Variants in BTBD1 observed in about 807,000 individuals in gnomAD.
The protein encoded by BTBD1 is BTB domain containing 1.
In BTBD1, 34 loss-of-function variants were observed where a neutral mutation model predicts 48.0. The ratio of observed to expected loss-of-function variants is 0.71; its 90% CI spans 0.54 to 0.94. The LOEUF is 0.94. Among genes scored for constraint, BTBD1 ranks in the 40% least tolerant of loss-of-function variants. The probability of loss-of-function intolerance (pLI) is 0.00; values close to 1 mark genes in which losing one functional copy is unlikely to be tolerated. For missense variants in BTBD1, 543 were observed against 625.6 expected (o/e 0.87, Z 1.41); for synonymous variants, 261 against 242.1 (o/e 1.08, Z -0.72).
chr15:83,024,773 G>T (rs1168670359), intron 5 of BTBD1, among the ~76,000 whole-genome samples: 1 of 151,962 alleles, frequency 6.6e-6, no homozygotes, highest in Admixed American at 6.6e-5. Context: ...CTGAATTTTT[G>T]AATTTTTTTG....
intron 5 of BTBD1, among the ~76,000 whole-genome samples, chr15:83,025,040 C>T (rs2032375364): frequency 6.6e-6 from 1 of 152,132 alleles, no homozygotes; most frequent in Non-Finnish European, 1.5e-5. Flanking sequence ...GAAACATATA[C>T]TCTTCCAAAT....
intron 2 of BTBD1, among the ~76,000 whole-genome samples, chr15:83,054,309 G>C (rs12438575): frequency 0.2 from 29,676 of 152,006 alleles, 3,092 homozygotes; most frequent in Non-Finnish European, 0.22. Flanking sequence ...TGCACTCCAG[G>C]CTGGGCAACA....
At chr15:83,036,923 G>C (rs543888337) in intron 4 of BTBD1, among the ~76,000 whole-genome samples, 1 of 152,246 alleles carries the variant, frequency 6.6e-6, no homozygotes, top group Admixed American at 6.5e-5. Flanking sequence ...GTGACTTAGA[G>C]GGTCATGACA....
intron 1 of BTBD1, among the ~76,000 whole-genome samples, chr15:83,059,020 A>C (rs1218752164): frequency 6.6e-6 from 1 of 152,228 alleles, no homozygotes; most frequent in African/African-American, 2.4e-5. Flanking sequence ...TCAGTAATAT[A>C]CTTTTGCTTT....
intron 4 of BTBD1, among the ~76,000 whole-genome samples, chr15:83,034,373 G>A (rs79477921): frequency 6.6e-6 from 1 of 152,254 alleles, no homozygotes; most frequent in African/African-American, 2.4e-5. Flanking sequence ...CAGAATGTTG[G>A]GTGACTGAGG....
chr15:83,049,008 T>G (rs1006795940), intron 3 of BTBD1, among the ~76,000 whole-genome samples: 1 of 152,216 alleles, frequency 6.6e-6, no homozygotes, highest in African/African-American at 2.4e-5. Flanking sequence ...AATAACATAG[T>G]GGACTTGCCG....
chr15:83,016,441 A>T lies in BTBD1; in HGVS notation c.*1626T>A, dbSNP rs983224447. On this transcript the variant is annotated 3_prime_UTR_variant, in exon 8 of 8. Coordinates refer to ENST00000261721, the MANE Select transcript of BTBD1 (RefSeq NM_025238.4). ...AAAAGAGTTTTTTTTATATATATATATATTTATTTATTTTTAAAAACTCCA... is the reference window on the plus strand; with the variant it reads ...AAAAGAGTTTTTTTTATATATATATTTATTTATTTATTTTTAAAAACTCCA... 20 of 151,422 alleles carry T rather than the reference A, an allele frequency of 1.3e-4. No homozygotes were observed. The East Asian group carries it at 1.4e-3, about 10-fold the overall frequency. The allele number at this position is 151,422 out of a possible 1,614,324, so 9.4% of individuals were successfully genotyped here.
chr15:83,063,967 T>C (rs2033218572), intron 1 of BTBD1, among the ~76,000 whole-genome samples: 1 of 152,234 alleles, frequency 6.6e-6, no homozygotes. Flanking sequence ...TTTTCTTGTT[T>C]ATTGCTGTGT....
At chr15:83,056,264 T>C in intron 2 of BTBD1, 125 bp downstream of exon 2, 1 of 630,834 alleles carries the variant, frequency 1.6e-6, no homozygotes, top group Non-Finnish European at 2.6e-6. Context: ...TGATTTGTAT[T>C]ATAAAAATCA....
At chr15:83,027,036 T>C (rs146488979) in intron 5 of BTBD1, among the ~76,000 whole-genome samples, 15 of 152,246 alleles carry the variant, frequency 9.9e-5, no homozygotes, top group African/African-American at 2.6e-4. Context: ...ACGCCTCGCA[T>C]AGATTATAAT....
rs780353594 is a variant in BTBD1 at position 83,066,892 on chromosome 15, G to C, written c.260C>G (p.Pro87Arg). The change falls in exon 1 of 8, where the codon CCG (proline) becomes CGG (arginine). Residue 87 changes from proline (P) to arginine (R), a missense_variant. Physicochemically the swap from Pro to Arg is moderately radical, Grantham distance 103 (BLOSUM62 -2). Transcript: ENST00000261721. Reference sequence around the variant, plus strand: ...GAAGCGGTGGGCGGGGATGCGCTGCGGGCCCCCAGCGGCGGCGGCGCCGCG... The same window carrying C: ...GAAGCGGTGGGCGGGGATGCGCTGCCGGCCCCCAGCGGCGGCGGCGCCGCG... ...KGRGAAAAGG[P>R]QRIPAHRFVL... The C allele has an allele frequency of 5.3e-6, 8 of 1,508,060 alleles. No individual in the cohort carries two copies. In the South Asian group the frequency reaches 6.3e-5, roughly 12 times the overall value. The allele number at this position is 1,508,060 out of a possible 1,614,324, so 93.4% of individuals were successfully genotyped here.
rs375845805 is a variant in BTBD1, at chr15:83,030,232, C to T, written c.959G>A (p.Arg320Gln). The T allele has an allele frequency of 5.0e-5, 81 of 1,613,874 alleles. 1 individual carries two copies. Among genetic ancestry groups the T allele is most frequent in the East Asian group, 2.0e-4 (9 of 44,856 alleles). The change falls in exon 5 of 8, where the codon CGA becomes CAA. Residue 320 changes from arginine (R) to glutamine (Q), a missense_variant. Physicochemically the swap from Arg to Gln is conservative, Grantham distance 43. Coordinates refer to ENST00000261721, the MANE Select transcript of BTBD1 (RefSeq NM_025238.4). ...CTTTCCCCTGAGACAGCATCTTGGT[C>T]GGTCAATGTATTCAACTCGGGGTTT... ...NPKPRVEYID[R>Q]PRCCLRGKEC... is the part of the protein sequence containing the mutation.
At chr15:83,030,808 T>C (rs1170536607) in intron 4 of BTBD1, 1 of 152,142 alleles carries the variant, frequency 6.6e-6, no homozygotes, top group African/African-American at 2.4e-5. Context: ...GCAAAATAAA[T>C]AATCAGCAGA....
At chr15:83,036,604 T>G (rs1596432692) in intron 4 of BTBD1, among the ~76,000 whole-genome samples, 1 of 152,216 alleles carries the variant, frequency 6.6e-6, no homozygotes, top group South Asian at 2.1e-4. Flanking sequence ...TGTTTACGTA[T>G]GTATACCAAA....
chr15:83,050,792 C>T (rs1056617294), intron 2 of BTBD1, among the ~76,000 whole-genome samples: 2 of 151,862 alleles, frequency 1.3e-5, no homozygotes, highest in Admixed American at 6.6e-5. Context: ...AACACAAGAA[C>T]AAATACATAA....
rs2032761008 is a variant in BTBD1, at chr15:83,041,589, TGTC to T, written c.862+136_862+138del. On this transcript the variant is annotated intron_variant, in intron 4 of 7. Coordinates refer to ENST00000261721, the MANE Select transcript of BTBD1 (RefSeq NM_025238.4). ...GGTTTTACCATGTTGACAAGGCTGG[TGTC>T]GAACTCCTGTCCTCAAGTGATCCAC... The T allele has an allele frequency of 4.2e-6, 3 of 708,582 alleles. No homozygotes were observed. In the Admixed American group the frequency reaches 7.7e-5, roughly 18 times the overall value. The allele number at this position is 708,582 out of a possible 1,614,324, so 43.9% of individuals were successfully genotyped here.
chr15:83,056,413 A>T lies in BTBD1; in HGVS notation c.534T>A (p.Asp178Glu). Residue 178 changes from aspartate (D) to glutamate (E), a missense_variant, in exon 2 of 8, where the codon GAT (aspartate) becomes GAA (glutamate). Asp to Glu is a conservative substitution (Grantham distance 45). Coordinates refer to ENST00000261721, the MANE Select transcript of BTBD1 (RefSeq NM_025238.4). ...CCTGAGTAAGTAACATAAAGGCATT[A>T]TCTGCCCTAAGATGTTTGGTGAGAA... Reference protein sequence around the residue: ...VEFLTKHLRADNAFMLLTQAR... With the variant: ...VEFLTKHLRAENAFMLLTQAR... 6.2e-7 allele frequency: 1 copy of T among 1,613,610 alleles called. No individual in the cohort carries two copies. The highest frequency in any genetic ancestry group is 8.5e-7 in the Non-Finnish European group (1 of 1,179,544).
chr15:83,033,768 A>G (rs1419430027), intron 4 of BTBD1, among the ~76,000 whole-genome samples: 1 of 151,928 alleles, frequency 6.6e-6, no homozygotes, highest in African/African-American at 2.4e-5. Context: ...TTTTGTAAAG[A>G]CAGGGTTTCG....
At chr15:83,053,638 C>A (rs2033032682) in intron 2 of BTBD1, among the ~76,000 whole-genome samples, 2 of 152,108 alleles carry the variant, frequency 1.3e-5, no homozygotes, top group Admixed American at 1.3e-4. Flanking sequence ...ACTCCTTGGA[C>A]AATAAAGAAT....
Sources: allele counts gnomAD v4.1 joint callset (sites outside exome capture counted in the v4.1 genomes callset), GRCh38; gene constraint gnomAD v4.1.1; transcripts MANE v1.5; gene names NCBI Gene and HGNC (gene_info 2026-07-23, HGNC 2026-07-21).